PCDH9: variants seen among roughly 807,000 people sequenced by gnomAD.
PCDH9 encodes the protein protocadherin 9.
In PCDH9, 24 loss-of-function variants were observed where a neutral mutation model predicts 70.6. The observed-to-expected ratio is 0.34, with a 90% CI of 0.25 to 0.48. PCDH9 has a LOEUF of 0.48. Ranked by LOEUF, PCDH9 falls within the 20% of genes least tolerant of loss-of-function variation. The pLI is 0.99. For synonymous variants in PCDH9, 562 were observed against 558.5 expected (o/e 1.01, Z -0.09); for missense variants, 1,281 against 1,503.6 (o/e 0.85, Z 2.45).
intron 2 of PCDH9, among the ~76,000 whole-genome samples, chr13:67,058,851 T>C (rs1295669708): frequency 1.3e-5 from 2 of 152,166 alleles, no homozygotes; most frequent in African/African-American, 4.8e-5. Context: ...ATATGCTTTC[T>C]AATAATTGTA....
chr13:66,888,196 C>CA lies in PCDH9; in HGVS notation c.3138+15307dup, dbSNP rs2082039120. On this transcript the variant is annotated intron_variant, in intron 3 of 4. Transcript: ENST00000377865. ...CCCAAGATTAGCTCTGCTGCACACT[C>CA]AAAAAAATGGACCACCAGCCAGGTC... is the stretch of plus-strand genomic sequence containing the variant. 1.3e-5 allele frequency among the ~76,000 whole-genome samples: 2 copies of CA among 152,090 alleles called. 1 individual carries two copies. The highest frequency in any genetic ancestry group is 1.3e-4 in the Admixed American group (2 of 15,260).
chr13:66,915,130 A>G lies in PCDH9; in HGVS notation c.3037-11525T>C, dbSNP rs574475561. 3 of 151,828 alleles carry G rather than the reference A, an allele frequency of 2.0e-5. No homozygotes were observed. The South Asian group carries it at 6.2e-4, about 31-fold the overall frequency. The allele number at this position is 151,828 out of a possible 1,614,324, so 9.4% of individuals were successfully genotyped here. ...AACAATATATAGAGAACATTTTATAAAACATTTATTTTAATATTAATGATA... is the reference window on the plus strand; with the variant it reads ...AACAATATATAGAGAACATTTTATAGAACATTTATTTTAATATTAATGATA... On this transcript the variant is annotated intron_variant, in intron 2 of 4. Transcript: ENST00000377865.
At chr13:66,860,246 C>T (rs185398862) in intron 3 of PCDH9, among the ~76,000 whole-genome samples, 574 of 152,200 alleles carry the variant, frequency 3.8e-3, no homozygotes, top group Non-Finnish European at 6.3e-3. Flanking sequence ...GTGAATGAAC[C>T]CACAGTCCAT....
chr13:66,762,251 A>C (rs1594024290), intron 3 of PCDH9, among the ~76,000 whole-genome samples: 2 of 152,228 alleles, frequency 1.3e-5, no homozygotes, highest in Admixed American at 1.3e-4. Flanking sequence ...AGGTTTGTAC[A>C]GAACCTATGG....
intron 2 of PCDH9, among the ~76,000 whole-genome samples, chr13:67,055,797 C>CA (rs777837048): frequency 4.0e-4 from 61 of 151,434 alleles, no homozygotes; most frequent in Non-Finnish European, 4.4e-4. Flanking sequence ...ACCTTGTATC[C>CA]AAAAAAAACC....
chr13:66,559,435 T>A (rs1961896514), intron 4 of PCDH9, among the ~76,000 whole-genome samples: 1 of 152,148 alleles, frequency 6.6e-6, no homozygotes, highest in Admixed American at 6.5e-5. Flanking sequence ...GAGGATATGA[T>A]CTCTGCTTTA....
At chr13:66,729,344 G>A (rs2079043030) in intron 3 of PCDH9, among the ~76,000 whole-genome samples, 1 of 152,040 alleles carries the variant, frequency 6.6e-6, no homozygotes, top group African/African-American at 2.4e-5. Flanking sequence ...ACTACAGTTA[G>A]TACAATAGAC....
chr13:66,384,160 CTT>C (rs1956890290), intron 4 of PCDH9, among the ~76,000 whole-genome samples: 1 of 151,944 alleles, frequency 6.6e-6, no homozygotes, highest in Non-Finnish European at 1.5e-5. Context: ...TATTTATACA[CTT>C]TGTTGGTTTT....
At chr13:66,344,783 T>G (rs1425897862) in intron 4 of PCDH9, among the ~76,000 whole-genome samples, 3 of 152,192 alleles carry the variant, frequency 2.0e-5, no homozygotes, top group African/African-American at 7.2e-5. Context: ...TATTAATGTT[T>G]CTTAAGGGTC....
chr13:66,905,158 G>A (rs1171351220), intron 2 of PCDH9, among the ~76,000 whole-genome samples: 1 of 151,638 alleles, frequency 6.6e-6, no homozygotes, highest in African/African-American at 2.4e-5. Flanking sequence ...TAGCAACAAA[G>A]GCTTCACAGC....
intron 3 of PCDH9, among the ~76,000 whole-genome samples, chr13:66,791,562 T>G (rs2080164202): frequency 6.6e-6 from 1 of 152,122 alleles, no homozygotes; most frequent in Admixed American, 6.6e-5. Flanking sequence ...ATGAAAGTAA[T>G]GGTATAATTT....
intron 4 of PCDH9, among the ~76,000 whole-genome samples, chr13:66,395,284 A>G (rs1957083328): frequency 6.6e-6 from 1 of 152,138 alleles, no homozygotes; most frequent in Non-Finnish European, 1.5e-5. Flanking sequence ...TTGAAGAGTG[A>G]CTTTATAACA....
chr13:67,083,571 T>C (rs1289674428), intron 2 of PCDH9, among the ~76,000 whole-genome samples: 1 of 152,180 alleles, frequency 6.6e-6, no homozygotes, highest in Non-Finnish European at 1.5e-5. Context: ...GTATTTCCTT[T>C]TATTTTTAAT....
chr13:66,664,958 A>G (rs1005016857), intron 3 of PCDH9, among the ~76,000 whole-genome samples: 1 of 152,148 alleles, frequency 6.6e-6, no homozygotes, highest in African/African-American at 2.4e-5. Context: ...TAGTCCCTAC[A>G]TAATAAAATG....
At chr13:66,681,560 C>A (rs2078320100) in intron 3 of PCDH9, among the ~76,000 whole-genome samples, 1 of 152,054 alleles carries the variant, frequency 6.6e-6, no homozygotes, top group Non-Finnish European at 1.5e-5. Flanking sequence ...CCCCTGGCCT[C>A]TTCTTTTTCT....
chr13:67,079,170 A>G (rs1330872730), intron 2 of PCDH9, among the ~76,000 whole-genome samples: 2 of 152,040 alleles, frequency 1.3e-5, no homozygotes, highest in Non-Finnish European at 2.9e-5. Flanking sequence ...AATATACTAA[A>G]TACACTAAAG....
chr13:66,518,919 G>A (rs1341328990), intron 4 of PCDH9, among the ~76,000 whole-genome samples: 2 of 152,084 alleles, frequency 1.3e-5, no homozygotes, highest in Admixed American at 6.6e-5. Flanking sequence ...AGGCCCAAGG[G>A]CATAATAGTA....
chr13:66,492,005 G>C (rs1283539836), intron 4 of PCDH9, among the ~76,000 whole-genome samples: 2 of 152,156 alleles, frequency 1.3e-5, no homozygotes, highest in Non-Finnish European at 2.9e-5. Context: ...CACAAAGTTT[G>C]GTTCTCAAAT....
rs143858383 is a variant in PCDH9 at position 66,746,304 on chromosome 13, T to C, written c.3139-114893A>G. Among the ~76,000 whole-genome samples, 1,206 of 152,344 alleles carry C rather than the reference T, an allele frequency of 7.9e-3. 14 individuals carry two copies. The highest frequency in any genetic ancestry group is 0.027 in the African/African-American group (1,129 of 41,590). ...TGAGATTAACTTTAGGAATAATACTTGATTTGTAAAAGCAATTATAAAAAC... is the reference window on the plus strand; with the variant it reads ...TGAGATTAACTTTAGGAATAATACTCGATTTGTAAAAGCAATTATAAAAAC... On this transcript the variant is annotated intron_variant, in intron 3 of 4. Coordinates refer to ENST00000377865, the MANE Select transcript of PCDH9 (RefSeq NM_203487.3).
Sources: gnomAD v4.1 joint callset for allele counts (sites outside exome capture counted in the v4.1 genomes callset) on GRCh38, gnomAD v4.1.1 for gene constraint, MANE v1.5 for transcripts, NCBI Gene and HGNC (gene_info 2026-07-23, HGNC 2026-07-21) for gene names.